Variants in UNC5C observed in about 807,000 individuals in gnomAD.
The protein encoded by UNC5C is netrin receptor UNC5C.
A neutral mutation model predicts 99.8 loss-of-function variants in UNC5C; 47 were observed. The observed-to-expected ratio is 0.47, with a 90% confidence interval of 0.37 to 0.60. The LOEUF is 0.60. Among genes scored for constraint, UNC5C ranks in the 20% least tolerant of loss-of-function variants. The pLI is 0.00. For synonymous variants in UNC5C, 487 were observed against 452.2 expected (o/e 1.08, Z -0.98); for missense variants, 1,062 against 1,165.9 (o/e 0.91, Z 1.30).
rs201067477 is a variant in UNC5C at position 95,292,212 on chromosome 4, TATATAC to T, written c.490+9388_490+9393del. ...ATATATATACACATATATATACATA[TATATAC>T]ACACACACACACACACACATATATA... On this transcript the variant is annotated intron_variant, in intron 3 of 15. Transcript: ENST00000453304. 2.9e-3 allele frequency among the ~76,000 whole-genome samples: 167 copies of T among 57,008 alleles called. 2 individuals are homozygous for T. In the East Asian group the frequency reaches 0.076, roughly 26 times the overall value. 37.4% of individuals were successfully genotyped at this position (57,008 alleles called of 152,430 possible). A position where few individuals can be genotyped will look rare whatever the true frequency, so the allele number is the denominator to read the frequency against.
At chr4:95,258,424 A>G (rs1740087444) in intron 4 of UNC5C, among the ~76,000 whole-genome samples, 1 of 152,214 alleles carries the variant, frequency 6.6e-6, no homozygotes, top group Admixed American at 6.5e-5. Context: ...TTTTAGTTAC[A>G]TAAAAATATT....
intron 12 of UNC5C, among the ~76,000 whole-genome samples, chr4:95,193,452 C>G (rs1737239997): frequency 6.6e-6 from 1 of 152,174 alleles, no homozygotes; most frequent in African/African-American, 2.4e-5. Context: ...GACACAGACA[C>G]AAAGAACAGA....
At chr4:95,398,329 T>C (rs1745584956) in intron 1 of UNC5C, among the ~76,000 whole-genome samples, 1 of 152,102 alleles carries the variant, frequency 6.6e-6, no homozygotes, top group South Asian at 2.1e-4. Context: ...CATCATCCCT[T>C]GATCCTGACC....
intron 1 of UNC5C, among the ~76,000 whole-genome samples, chr4:95,435,566 T>C (rs2149461706): frequency 6.6e-6 from 1 of 152,246 alleles, no homozygotes; most frequent in African/African-American, 2.4e-5. Flanking sequence ...TGAACCAAGC[T>C]ACATAGCAAT....
At chr4:95,314,848 G>A (rs758906434) in intron 2 of UNC5C, among the ~76,000 whole-genome samples, 13 of 152,092 alleles carry the variant, frequency 8.5e-5, no homozygotes, top group East Asian at 1.9e-4. Context: ...AGTATTTCAC[G>A]TCAATTTGTT....
At chr4:95,378,333 T>C (rs568151111) in intron 1 of UNC5C, among the ~76,000 whole-genome samples, 1 of 152,344 alleles carries the variant, frequency 6.6e-6, no homozygotes, top group South Asian at 2.1e-4. Flanking sequence ...GAAGAACATT[T>C]ACTAAATTCA....
chr4:95,439,043 T>C (rs1327545688), intron 1 of UNC5C, among the ~76,000 whole-genome samples: 1 of 152,118 alleles, frequency 6.6e-6, no homozygotes, highest in Non-Finnish European at 1.5e-5. Flanking sequence ...TCTTTAAATC[T>C]CCCAAAACTC....
intron 1 of UNC5C, among the ~76,000 whole-genome samples, chr4:95,482,007 A>T (rs1721171718): frequency 6.6e-6 from 1 of 152,174 alleles, no homozygotes; most frequent in African/African-American, 2.4e-5. Context: ...AAATTGACAA[A>T]TGGGATCTAA....
intron 1 of UNC5C, among the ~76,000 whole-genome samples, chr4:95,410,301 G>T (rs1451561505): frequency 6.6e-6 from 1 of 151,986 alleles, no homozygotes; most frequent in Non-Finnish European, 1.5e-5. Flanking sequence ...CACTCTAAAT[G>T]CATGATACCT....
At chr4:95,214,665 G>A (rs1457220710) in intron 10 of UNC5C, among the ~76,000 whole-genome samples, 1 of 152,184 alleles carries the variant, frequency 6.6e-6, no homozygotes, top group East Asian at 1.9e-4. Context: ...AAATAGGAGA[G>A]CTCAGGCATC....
intron 1 of UNC5C, among the ~76,000 whole-genome samples, chr4:95,392,955 G>T (rs1745404570): frequency 6.6e-6 from 1 of 152,098 alleles, no homozygotes; most frequent in Admixed American, 6.6e-5. Context: ...CTATAAAAAA[G>T]ACATATACAT....
intron 1 of UNC5C, among the ~76,000 whole-genome samples, chr4:95,398,044 CTTTTT>C (rs34609153): frequency 2.3e-4 from 22 of 95,904 alleles, no homozygotes; most frequent in Non-Finnish European, 2.4e-4. Flanking sequence ...CCAAATGTAG[CTTTTT>C]TTTTTTTTTT....
intron 7 of UNC5C, among the ~76,000 whole-genome samples, chr4:95,234,421 C>T (rs1368583124): frequency 6.6e-6 from 1 of 151,306 alleles, no homozygotes; most frequent in Non-Finnish European, 1.5e-5. Context: ...TACATGTGCA[C>T]AACTTGCAGG....
chr4:95,532,908 TAAA>T (rs201644746), intron 1 of UNC5C, among the ~76,000 whole-genome samples: 3 of 136,844 alleles, frequency 2.2e-5, no homozygotes, highest in Admixed American at 1.5e-4. Context: ...TTAGTAAAGC[TAAA>T]AAAAAAAAAA....
At chr4:95,265,036 A>C (rs1342579812) in intron 4 of UNC5C, among the ~76,000 whole-genome samples, 1 of 152,114 alleles carries the variant, frequency 6.6e-6, no homozygotes, top group Admixed American at 6.5e-5. Flanking sequence ...AGCCATCCTG[A>C]TGCCTGGGGC....
intron 1 of UNC5C, among the ~76,000 whole-genome samples, chr4:95,522,599 T>C (rs1401120373): frequency 6.6e-6 from 1 of 152,132 alleles, no homozygotes; most frequent in Admixed American, 6.5e-5. Context: ...GAAAAGAAAG[T>C]ATCCTGACTT....
intron 1 of UNC5C, among the ~76,000 whole-genome samples, chr4:95,540,263 A>G (rs10516978): frequency 0.5 from 75,583 of 152,044 alleles, 20,714 homozygotes; most frequent in Middle Eastern, 0.69. Flanking sequence ...TATTTAGGTA[A>G]AAGTTTCAAG....
In UNC5C at chr4:95,412,125, T is replaced by A. The variant is rs1746009676; in HGVS notation, c.125-76494A>T. 2.6e-5 allele frequency among the ~76,000 whole-genome samples: 4 copies of A among 152,072 alleles called. No homozygotes were observed. The South Asian group carries it at 8.3e-4, about 32-fold the overall frequency. On this transcript the variant is annotated intron_variant, in intron 1 of 15. Coordinates refer to ENST00000453304, the MANE Select transcript of UNC5C (RefSeq NM_003728.4). ...GCTTCTTCATCTCATCTCTGGTCATTACTCCTCTCTTCCTCAACACTCACA... is the reference window on the plus strand; with the variant it reads ...GCTTCTTCATCTCATCTCTGGTCATAACTCCTCTCTTCCTCAACACTCACA...
At chr4:95,500,296 T>A (rs943354987) in intron 1 of UNC5C, among the ~76,000 whole-genome samples, 2 of 152,118 alleles carry the variant, frequency 1.3e-5, no homozygotes, top group Admixed American at 1.3e-4. Flanking sequence ...ACAAACCTTA[T>A]TCTACCCATT....
Sources: gnomAD v4.1 joint callset for allele counts (sites outside exome capture counted in the v4.1 genomes callset) on GRCh38, gnomAD v4.1.1 for gene constraint, MANE v1.5 for transcripts, NCBI Gene and HGNC (gene_info 2026-07-23, HGNC 2026-07-21) for gene names.